The following KLHL22 variants were observed in gnomAD, a reference collection of about 807,000 sequenced individuals.
KLHL22 encodes kelch-like protein 22.
In KLHL22, 18 loss-of-function variants were observed where a neutral mutation model predicts 60.7. That is an observed-to-expected ratio of 0.30 (90% CI 0.20 to 0.44). KLHL22 has a LOEUF of 0.44. Ranked by LOEUF, KLHL22 falls within the 20% of genes least tolerant of loss-of-function variation. KLHL22 has a pLI of 1.00. For missense variants in KLHL22, 596 were observed against 852.3 expected, an observed-to-expected ratio of 0.70 and a Z score of 3.74; for synonymous variants, 355 against 354.5, an observed-to-expected ratio of 1.00 and a Z score of -0.01.
At position 20,477,920 on chromosome 22, in the gene KLHL22, A is replaced by G. The variant is rs116554634; in HGVS notation, c.228-6405T>C. Among the ~76,000 whole-genome samples, 708 of 152,284 alleles carry G rather than the reference A, an allele frequency of 4.6e-3. 4 individuals carry two copies. The highest frequency in any genetic ancestry group is 0.016 in the African/African-American group (677 of 41,554). ...TTTTCTTATATCATGATAGTATTAC[A>G]GGTATGTCAAAGAATCTCCTCATCC... On this transcript the variant is annotated intron_variant, in intron 2 of 6. Transcript: ENST00000328879.
At chr22:20,451,235 G>T in intron 5 of KLHL22, 2 of 1,602,444 alleles carry the variant, frequency 1.2e-6, no homozygotes, top group Non-Finnish European at 8.6e-7. Context: ...GGTCTTGCTG[G>T]AGCCACCACC....
chr22:20,450,582 G>A (rs1437702633), intron 5 of KLHL22: 1 of 1,610,300 alleles, frequency 6.2e-7, no homozygotes, highest in African/African-American at 1.3e-5. Context: ...AAGCAGCTGA[G>A]GTTTTTAGCC....
chr22:20,451,517 G>C, intron 5 of KLHL22: 1 of 1,598,406 alleles, frequency 6.3e-7, no homozygotes, highest in Non-Finnish European at 8.6e-7. Flanking sequence ...TCTGGTGCAG[G>C]AGTAGCCCTG....
Position 20,494,074 on chromosome 22 carries a change from G to GCCCC in KLHL22, c.-34+1682_-34+1685dup, listed in dbSNP as rs35792870. On this transcript the variant is annotated intron_variant, in intron 1 of 6. Transcript: ENST00000328879. ...AGCCTGGGCGACAGAGCCAGACTTT[G>GCCCC]CCCCCCCCCCAAAAAAAAAAGTGCA... Among the ~76,000 whole-genome samples the GCCCC allele has an allele frequency of 1.7e-3, 214 of 122,302 alleles. 4 individuals carry two copies. The highest frequency in any genetic ancestry group is 2.7e-3 in the Non-Finnish European group (161 of 59,028). 80.2% of individuals were successfully genotyped at this position (122,302 alleles called of 152,430 possible). A position where few individuals can be genotyped will look rare whatever the true frequency, so the allele number is the denominator to read the frequency against.
chr22:20,471,422 G>T lies in KLHL22; in HGVS notation c.321C>A (p.Phe107Leu). The T allele has an allele frequency of 6.2e-7, 1 of 1,614,182 alleles. No homozygotes were observed. The highest frequency in any genetic ancestry group is 8.5e-7 in the Non-Finnish European group (1 of 1,180,024). ...TGAGCTCCAGCTCGGAGGTGTATAT[G>T]AAATGTAGGATTTGGCACATAGCAT... ...SYNAMCQILHFIYTSELELSL... is the reference protein window; with the variant it reads ...SYNAMCQILHLIYTSELELSL... Residue 107 changes from phenylalanine to leucine, a missense_variant, in exon 3 of 7, where the codon TTC becomes TTA. Physicochemically the swap from Phe to Leu is conservative, Grantham distance 22. Coordinates refer to ENST00000328879, the MANE Select transcript of KLHL22 (RefSeq NM_032775.4).
intron 6 of KLHL22, among the ~76,000 whole-genome samples, chr22:20,443,966 G>A (rs534667573): frequency 1.9e-4 from 29 of 149,676 alleles, no homozygotes; most frequent in Admixed American, 8.7e-4. Context: ...CAGGAGAATC[G>A]CTTAAACCCA....
intron 1 of KLHL22, among the ~76,000 whole-genome samples, chr22:20,494,223 T>C (rs1204202621): frequency 6.6e-6 from 1 of 152,034 alleles, no homozygotes; most frequent in African/African-American, 2.4e-5. Context: ...ATTTAAAAAT[T>C]AACTAGGCAT....
intron 3 of KLHL22, among the ~76,000 whole-genome samples, chr22:20,470,786 A>ATGGATG (rs142562911): frequency 7.3e-6 from 1 of 137,646 alleles, no homozygotes; most frequent in African/African-American, 2.8e-5. Flanking sequence ...ATGGATGGAT[A>ATGGATG]GATGGATGGA....
At chr22:20,483,644 C>T (rs1025003090) in intron 2 of KLHL22, 10 of 725,648 alleles carry the variant, frequency 1.4e-5, no homozygotes, top group East Asian at 5.2e-5. Flanking sequence ...CGGGCATTGT[C>T]GATCTACAGA....
In KLHL22 at chr22:20,465,903, C is replaced by A. The variant is rs1390880006; in HGVS notation, c.394-327G>T. On this transcript the variant is annotated intron_variant, in intron 3 of 6. Coordinates refer to ENST00000328879, the MANE Select transcript of KLHL22 (RefSeq NM_032775.4). This position sits in a 1 kb window ranked among gnomAD's most constrained non-coding sequence, Gnocchi z 4.9. ...GAATCTCGGCTCACTAACACCTCCC[C>A]CTCCCGGGTTGAAATGATTCTCCTG... Among the ~76,000 whole-genome samples the A allele has an allele frequency of 1.3e-5, 2 of 152,064 alleles. No individual in the cohort carries two copies. The highest frequency in any genetic ancestry group is 2.4e-5 in the African/African-American group (1 of 41,388).
chr22:20,471,615 G>T, intron 2 of KLHL22, 100 bp from the exon 3 acceptor site: 1 of 1,308,014 alleles, frequency 7.6e-7, no homozygotes, highest in Non-Finnish European at 1.1e-6. Flanking sequence ...GGCGCTGGTG[G>T]CAGGGCCCTG....
At chr22:20,483,205 C>A (rs755219173) in intron 2 of KLHL22, 2 of 654,138 alleles carry the variant, frequency 3.1e-6, no homozygotes, top group African/African-American at 3.5e-5. Flanking sequence ...ACTGGACGTA[C>A]GTCTCAACTC....
chr22:20,442,340 G>A lies in KLHL22; in HGVS notation c.1638C>T (p.Ile546=). The change falls in exon 7 of 7, where the codon ATC becomes ATT. Residue 546 remains isoleucine (I), a synonymous_variant. Coordinates refer to ENST00000328879, the MANE Select transcript of KLHL22 (RefSeq NM_032775.4). ...TGTGTGAGCGGCCACCTAACACATAGATCCTGTTGTCCAGCACAGCAATGC... is the reference window on the plus strand; with the variant it reads ...TGTGTGAGCGGCCACCTAACACATAAATCCTGTTGTCCAGCACAGCAATGC... ...EPGIAVLDNR[I]YVLGGRSHNR... 1.2e-6 allele frequency: 2 copies of A among 1,613,982 alleles called. No individual in the cohort carries two copies. The highest frequency in any genetic ancestry group is 1.7e-6 in the Non-Finnish European group (2 of 1,180,020).
At position 20,492,939 on chromosome 22, in the gene KLHL22, G is replaced by A. The variant is rs542860745; in HGVS notation, c.-34+2821C>T. ...ACAAGGAGATTCCGGCTTCTTGAGG[G>A]GTGAGGTTTTATCTCACAAACATCT... On this transcript the variant is annotated intron_variant, in intron 1 of 6. Coordinates refer to ENST00000328879, the MANE Select transcript of KLHL22 (RefSeq NM_032775.4). 3.7e-4 allele frequency among the ~76,000 whole-genome samples: 56 copies of A among 152,104 alleles called. 1 individual carries two copies. The South Asian group carries it at 0.011, about 29-fold the overall frequency.
At chr22:20,462,294 A>AG (rs1194671162) in intron 4 of KLHL22, among the ~76,000 whole-genome samples, 1 of 151,262 alleles carries the variant, frequency 6.6e-6, no homozygotes, top group African/African-American at 2.4e-5. Context: ...AAAAAAAAAA[A>AG]ATTAAATTTA....
intron 3 of KLHL22, among the ~76,000 whole-genome samples, chr22:20,466,453 T>C (rs2053238143): frequency 2.7e-5 from 4 of 148,530 alleles, no homozygotes; most frequent in Non-Finnish European, 5.9e-5. Flanking sequence ...CTGTGTCATA[T>C]ATCTGTGGTT....
intron 2 of KLHL22, among the ~76,000 whole-genome samples, chr22:20,481,578 A>T (rs757235032): frequency 6.6e-6 from 1 of 151,728 alleles, no homozygotes; most frequent in East Asian, 1.9e-4. Context: ...ATCTCAAAAT[A>T]AAAAAAAATT....
chr22:20,488,153 A>AAG (rs768188326), intron 2 of KLHL22, among the ~76,000 whole-genome samples: 15 of 151,848 alleles, frequency 9.9e-5, no homozygotes, highest in Admixed American at 3.3e-4. Context: ...GATAAAGAGA[A>AAG]AGAGAGAGAG....
chr22:20,460,074 C>T (rs2053127332), intron 4 of KLHL22, among the ~76,000 whole-genome samples: 1 of 152,140 alleles, frequency 6.6e-6, no homozygotes, highest in Non-Finnish European at 1.5e-5. Flanking sequence ...GCACAGCACT[C>T]ACAGGGGCCC....
Sources: gnomAD v4.1 joint callset for allele counts (sites outside exome capture counted in the v4.1 genomes callset) on GRCh38, gnomAD v4.1.1 for gene constraint, Gnocchi (gnomAD v3.1) non-coding constraint, MANE v1.5 for transcripts, NCBI Gene and HGNC (gene_info 2026-07-23, HGNC 2026-07-21) for gene names.